NIPAL2: variants seen among roughly 807,000 people sequenced by gnomAD.
NIPAL2 encodes NIPA-like protein 2.
NIPAL2 carries 43 observed loss-of-function variants against 48.9 expected under a neutral mutation model. The observed-to-expected ratio is 0.88, with a 90% CI of 0.69 to 1.13. The LOEUF (loss-of-function observed/expected upper bound fraction) is 1.13, where lower values mean the gene tolerates loss of function less well. Among genes scored for constraint, NIPAL2 ranks in the 50% most tolerant of loss-of-function variants. The pLI, the probability that NIPAL2 is intolerant of heterozygous loss-of-function variation, is 0.00. For synonymous variants in NIPAL2, 167 were observed against 174.6 expected, an observed-to-expected ratio of 0.96 and a Z score of 0.34; for missense variants, 446 against 461.4, an observed-to-expected ratio of 0.97 and a Z score of 0.31.
In NIPAL2 at chr8:98,265,858, G is replaced by C. The variant is rs867034498; in HGVS notation, c.136-11771C>G. The stretch of plus-strand genomic sequence containing the variant: ...GTATGTTTATTGCGGCATTATTCAC[G>C]ATAGCAAAGACTTGGAATCAACCCA... On this transcript the variant is annotated intron_variant, in intron 1 of 10. Transcript: ENST00000430223. Among the ~76,000 whole-genome samples the C allele has an allele frequency of 7.9e-3, 1,182 of 149,940 alleles. 21 individuals carry two copies. Among genetic ancestry groups the C allele is most frequent in the African/African-American group, 0.027 (1,074 of 39,722 alleles).
chr8:98,246,914 T>C, intron 3 of NIPAL2, among the ~76,000 whole-genome samples: 1 of 152,248 alleles, frequency 6.6e-6, no homozygotes, highest in East Asian at 1.9e-4. Flanking sequence ...GCCATGAAGC[T>C]ATTTAATTCC....
At chr8:98,257,013 C>A (rs927779090) in intron 1 of NIPAL2, among the ~76,000 whole-genome samples, 1 of 152,058 alleles carries the variant, frequency 6.6e-6, no homozygotes, top group African/African-American at 2.4e-5. Context: ...CATGGATGAA[C>A]CTTATAAACC....
At chr8:98,285,598 T>C (rs759217325) in intron 1 of NIPAL2, among the ~76,000 whole-genome samples, 1 of 152,210 alleles carries the variant, frequency 6.6e-6, no homozygotes, top group Non-Finnish European at 1.5e-5. Flanking sequence ...AGTGAGGAAC[T>C]GAGCATTCAC....
At chr8:98,213,583 GCCT>G (rs1314723018) in intron 5 of NIPAL2, among the ~76,000 whole-genome samples, 24 of 152,078 alleles carry the variant, frequency 1.6e-4, no homozygotes, top group African/African-American at 4.8e-5. Flanking sequence ...CTCTGTGCCA[GCCT>G]CATGGCAATT....
At chr8:98,217,235 C>T in intron 5 of NIPAL2, 1 of 985,442 alleles carries the variant, frequency 1.0e-6, no homozygotes, top group Non-Finnish European at 1.2e-6. Context: ...TGAGCCTTGT[C>T]TCTGTGAGGC....
chr8:98,291,601 T>C (rs1816492133), intron 1 of NIPAL2, among the ~76,000 whole-genome samples: 1 of 152,238 alleles, frequency 6.6e-6, no homozygotes, highest in Non-Finnish European at 1.5e-5. Flanking sequence ...TTTTGCACTA[T>C]ATTGAATATC....
Position 98,268,840 on chromosome 8 carries a change from A to G in NIPAL2, c.136-14753T>C, listed in dbSNP as rs542782389. Among the ~76,000 whole-genome samples, 171 of 152,340 alleles carry G rather than the reference A, an allele frequency of 1.1e-3. 3 individuals carry two copies. Among genetic ancestry groups the G allele is most frequent in the Non-Finnish European group, 5.4e-4 (37 of 68,030 alleles). ...ATAGTGTAACCTACACTTAATAAACATACTGCAATAGCATTATGTTTAAAA... is the reference window on the plus strand; with the variant it reads ...ATAGTGTAACCTACACTTAATAAACGTACTGCAATAGCATTATGTTTAAAA... On this transcript the variant is annotated intron_variant, in intron 1 of 10. Transcript: ENST00000430223.
chr8:98,294,004 TG>T lies in NIPAL2; in HGVS notation c.133del (p.Gln45ArgfsTer12). ...CGGTGGCTGCGGGGCGGCCCTTACCTGGTTCCTGCGGTACCAGTCGCCCGAG... is the reference window on the plus strand; with the variant it reads ...CGGTGGCTGCGGGGCGGCCCTTACCTGTTCCTGCGGTACCAGTCGCCCGAG... ...SLSGDWYRRNQIHLFGVLLAI... is the reference protein window; with the variant it reads ...SLSGDWYRRNXIHLFGVLLAI... On this transcript the variant is annotated frameshift_variant and splice_region_variant, in exon 1 of 11. Transcript: ENST00000430223. LOFTEE classifies it high-confidence loss of function. 1 of 1,488,184 alleles carries T rather than the reference TG, an allele frequency of 6.7e-7. No individual in the cohort carries two copies. The highest frequency in any genetic ancestry group is 8.9e-7 in the Non-Finnish European group (1 of 1,118,470). The allele number at this position is 1,488,184 out of a possible 1,614,324, so 92.2% of individuals were successfully genotyped here. A position where few individuals can be genotyped will look rare whatever the true frequency, so the allele number is the denominator to read the frequency against.
At chr8:98,222,377 T>C (rs1811936571) in intron 5 of NIPAL2, 102 bp downstream of exon 5, 1 of 1,236,662 alleles carries the variant, frequency 8.1e-7, no homozygotes, top group Non-Finnish European at 1.1e-6. Flanking sequence ...TTTAATAAGA[T>C]ATTAGTGCTG....
At chr8:98,233,262 G>C (rs1166274268) in intron 4 of NIPAL2, among the ~76,000 whole-genome samples, 2 of 137,350 alleles carry the variant, frequency 1.5e-5, no homozygotes, top group Non-Finnish European at 3.2e-5. Flanking sequence ...CATCTCAAAA[G>C]AAAAAAAAAA....
Position 98,196,659 on chromosome 8 carries a change from G to T in NIPAL2, c.881-654C>A, listed in dbSNP as rs149135655. On this transcript the variant is annotated intron_variant, in intron 8 of 10. Transcript: ENST00000430223. ...CGTCTTGGTCTCAATGATTTCTTCTGTAAAGTTCCAAAGCCTTCATAGAGT... is the reference window on the plus strand; with the variant it reads ...CGTCTTGGTCTCAATGATTTCTTCTTTAAAGTTCCAAAGCCTTCATAGAGT... Among the ~76,000 whole-genome samples, 866 of 152,342 alleles carry T rather than the reference G, an allele frequency of 5.7e-3. 11 individuals carry two copies. Among genetic ancestry groups the T allele is most frequent in the African/African-American group, 0.02 (827 of 41,564 alleles).
At chr8:98,246,412 G>A (rs1813309233) in intron 3 of NIPAL2, among the ~76,000 whole-genome samples, 2 of 152,184 alleles carry the variant, frequency 1.3e-5, no homozygotes, top group African/African-American at 4.8e-5. Flanking sequence ...AGTGCAGTTA[G>A]CTCTCCAACC....
At chr8:98,209,726 T>C (rs907087728) in intron 6 of NIPAL2, among the ~76,000 whole-genome samples, 19 of 152,116 alleles carry the variant, frequency 1.2e-4, no homozygotes, top group African/African-American at 4.3e-4. Context: ...TATTAGTTCA[T>C]AGTGTTTTTT....
chr8:98,248,678 C>A (rs1225430514), intron 3 of NIPAL2, among the ~76,000 whole-genome samples: 1 of 152,172 alleles, frequency 6.6e-6, no homozygotes. Flanking sequence ...TGAACCTAGC[C>A]TCTAGGTGAA....
chr8:98,240,614 C>T (rs537067323), intron 3 of NIPAL2, among the ~76,000 whole-genome samples: 6 of 152,260 alleles, frequency 3.9e-5, no homozygotes, highest in African/African-American at 1.4e-4. Flanking sequence ...GGGGTCTAAT[C>T]TGAGCTGAGC....
intron 3 of NIPAL2, among the ~76,000 whole-genome samples, chr8:98,240,450 T>C (rs1257600667): frequency 6.6e-6 from 1 of 152,196 alleles, no homozygotes; most frequent in Non-Finnish European, 1.5e-5. Context: ...TCACTGCCCA[T>C]AGTCAGTGAA....
intron 7 of NIPAL2, 76 bp downstream of exon 7, chr8:98,205,035 T>C: frequency 6.8e-7 from 1 of 1,460,870 alleles, no homozygotes; most frequent in Non-Finnish European, 9.5e-7. Context: ...AATTATCATC[T>C]GAAGCCAGTA....
chr8:98,275,360 G>T (rs1418847612), intron 1 of NIPAL2, among the ~76,000 whole-genome samples: 2 of 152,120 alleles, frequency 1.3e-5, no homozygotes, highest in Admixed American at 6.5e-5. Context: ...CTAGAATCTA[G>T]AAGTATGTGT....
chr8:98,265,340 A>G (rs1814647978), intron 1 of NIPAL2, among the ~76,000 whole-genome samples: 2 of 147,168 alleles, frequency 1.4e-5, no homozygotes, highest in Admixed American at 1.4e-4. Context: ...CAGAGTGAAC[A>G]GGCAACCTAC....
Sources: gnomAD v4.1 joint callset for allele counts (sites outside exome capture counted in the v4.1 genomes callset) on GRCh38, gnomAD v4.1.1 for gene constraint, MANE v1.5 for transcripts, NCBI Gene and HGNC (gene_info 2026-07-23, HGNC 2026-07-21) for gene names.